WDPCP: variants seen among roughly 807,000 people sequenced by gnomAD.
The protein encoded by WDPCP is WD repeat containing planar cell polarity effector.
In WDPCP, 71 loss-of-function variants were observed where a neutral mutation model predicts 93.1. The ratio of observed to expected loss-of-function variants is 0.76; its 90% CI spans 0.63 to 0.93. WDPCP has a LOEUF of 0.93. WDPCP is among the 40% of genes least tolerant of loss of function. The pLI is 0.00. For synonymous variants in WDPCP, 315 were observed against 315.0 expected, an observed-to-expected ratio of 1.00 and a Z score of 0.00; for missense variants, 844 against 887.4, an observed-to-expected ratio of 0.95 and a Z score of 0.62.
intron 14 of WDPCP, among the ~76,000 whole-genome samples, chr2:63,215,961 C>T (rs932908233): frequency 2.0e-5 from 3 of 152,174 alleles, no homozygotes; most frequent in African/African-American, 4.8e-5. Flanking sequence ...AAAAAATGCT[C>T]GTCATCACTG....
chr2:63,499,489 G>A (rs1701415211), intron 1 of WDPCP, among the ~76,000 whole-genome samples: 1 of 152,186 alleles, frequency 6.6e-6, no homozygotes, highest in Admixed American at 6.5e-5. Flanking sequence ...ATTATTGTTG[G>A]AAGATTAACT....
In WDPCP at chr2:63,492,866, T is replaced by C. The variant is rs748848053; in HGVS notation, c.150A>G (p.Leu50=). 9 of 1,613,648 alleles carry C rather than the reference T, an allele frequency of 5.6e-6. No homozygotes were observed. Among genetic ancestry groups the C allele is most frequent in the Non-Finnish European group, 6.8e-6 (8 of 1,179,832 alleles). The change falls in exon 2 of 18, where the codon TTA becomes TTG. Residue 50 remains leucine (L), a synonymous_variant. Transcript: ENST00000272321. ...ELHLWSLKNT[L]HIADRDIGIY... ...CCAGAGCTCATTTACCCGCAATGTGTAAGGTATTCTTCAAAGACCACAGGT... is the reference window on the plus strand; with the variant it reads ...CCAGAGCTCATTTACCCGCAATGTGCAAGGTATTCTTCAAAGACCACAGGT...
intron 1 of WDPCP, among the ~76,000 whole-genome samples, chr2:63,552,360 A>G (rs1201908635): frequency 6.6e-6 from 1 of 152,082 alleles, no homozygotes; most frequent in Non-Finnish European, 1.5e-5. Flanking sequence ...TAAAGATTCC[A>G]GAAAGCAGTA....
intron 2 of WDPCP, among the ~76,000 whole-genome samples, chr2:63,714,654 C>A (rs902418671): frequency 2.0e-5 from 3 of 151,988 alleles, no homozygotes; most frequent in Non-Finnish European, 4.4e-5. Flanking sequence ...ACAGTAAAAC[C>A]CTGTCTCTAC....
At chr2:63,528,942 T>C (rs1392003439) in intron 1 of WDPCP, among the ~76,000 whole-genome samples, 4 of 152,210 alleles carry the variant, frequency 2.6e-5, no homozygotes, top group Non-Finnish European at 4.4e-5. Flanking sequence ...CCCTAGTAAG[T>C]TGGATTCCTA....
In WDPCP at chr2:63,412,908, C is replaced by A. The variant is rs190610952; in HGVS notation, c.826-8251G>T. On this transcript the variant is annotated intron_variant, in intron 9 of 17. Coordinates refer to ENST00000272321, the MANE Select transcript of WDPCP (RefSeq NM_015910.7). ...AAATGGAAACACATCCCATGCTCAT[C>A]GATGGGTAGAATCAATGTTGTGAAA... Among the ~76,000 whole-genome samples, 824 of 149,034 alleles carry A rather than the reference C, an allele frequency of 5.5e-3. 6 individuals carry two copies. The highest frequency in any genetic ancestry group is 0.01 in the Middle Eastern group (3 of 294).
intron 1 of WDPCP, among the ~76,000 whole-genome samples, chr2:63,572,862 G>A (rs1276911214): frequency 6.6e-6 from 1 of 151,800 alleles, no homozygotes; most frequent in Admixed American, 6.6e-5. Context: ...GAAAAGTTAT[G>A]CCCAACTTAA....
At chr2:63,587,200 T>A (rs1708906486) in intron 1 of WDPCP, among the ~76,000 whole-genome samples, 1 of 152,204 alleles carries the variant, frequency 6.6e-6, no homozygotes, top group South Asian at 2.1e-4. Context: ...GTTTTTGACA[T>A]TAAAAGTAGC....
intron 13 of WDPCP, among the ~76,000 whole-genome samples, chr2:63,282,753 T>C (rs1293835563): frequency 1.3e-5 from 2 of 152,152 alleles, no homozygotes; most frequent in African/African-American, 4.8e-5. Context: ...CTTAGTAGTA[T>C]AGTGGTCCCT....
chr2:63,174,273 A>G (rs973605421), intron 15 of WDPCP, among the ~76,000 whole-genome samples: 24 of 152,118 alleles, frequency 1.6e-4, no homozygotes, highest in Admixed American at 1.2e-3. Context: ...AGATATTTAA[A>G]CTATCATTTA....
chr2:63,492,900 G>T lies in WDPCP; in HGVS notation c.116C>A (p.Thr39Asn). Reference protein sequence around the residue: ...SFCHQMSFCLTELHLWSLKNT... With the variant: ...SFCHQMSFCLNELHLWSLKNT... ...CTTCAAAGACCACAGGTGCAGTTCA[G>T]TCAAGCAGAAAGACATCTGATGGCA... is the stretch of plus-strand genomic sequence containing the variant. The change falls in exon 2 of 18, where the codon ACT becomes AAT. Residue 39 changes from threonine to asparagine, a missense_variant. Transcript: ENST00000272321. The T allele has an allele frequency of 6.2e-7, 1 of 1,613,612 alleles. No individual in the cohort carries two copies. Among genetic ancestry groups the T allele is most frequent in the African/African-American group, 1.3e-5 (1 of 74,984 alleles).
intron 3 of WDPCP, among the ~76,000 whole-genome samples, chr2:63,629,997 C>A (rs1380219930): frequency 6.6e-6 from 1 of 152,088 alleles, no homozygotes; most frequent in East Asian, 1.9e-4. Context: ...TGATTTAAAT[C>A]TGACAAGGAT....
intron 3 of WDPCP, among the ~76,000 whole-genome samples, chr2:63,619,693 G>T (rs1283087259): frequency 6.6e-6 from 1 of 152,182 alleles, no homozygotes; most frequent in African/African-American, 2.4e-5. Flanking sequence ...CCATGTAACT[G>T]GTTCACATAA....
chr2:63,492,756 A>T (rs1700972018), intron 2 of WDPCP, 100 bp downstream of exon 2: 1 of 1,060,062 alleles, frequency 9.4e-7, no homozygotes, highest in African/African-American at 1.6e-5. Flanking sequence ...GAAAGAATGC[A>T]ACTCCAGCTG....
At chr2:63,469,802 C>T (rs980159123) in intron 6 of WDPCP, among the ~76,000 whole-genome samples, 2 of 152,150 alleles carry the variant, frequency 1.3e-5, no homozygotes, top group African/African-American at 4.8e-5. Context: ...CCCCATGACA[C>T]ATATTTACCT....
intron 1 of WDPCP, among the ~76,000 whole-genome samples, chr2:63,821,951 C>A (rs1391057962): frequency 6.6e-6 from 1 of 152,026 alleles, no homozygotes. Context: ...AAATATGAAC[C>A]ACCTCTGTGT....
intron 14 of WDPCP, among the ~76,000 whole-genome samples, chr2:63,181,509 A>G (rs530341029): frequency 1.9e-4 from 29 of 151,976 alleles, no homozygotes; most frequent in Non-Finnish European, 3.8e-4. Context: ...CTGTAGGTAT[A>G]TGGCTTTATT....
At chr2:63,789,007 G>A (rs1008400803) in intron 2 of WDPCP, among the ~76,000 whole-genome samples, 2 of 152,092 alleles carry the variant, frequency 1.3e-5, no homozygotes, top group Non-Finnish European at 2.9e-5. Flanking sequence ...TCAGCCTCCT[G>A]AGTAGCTGGA....
chr2:63,411,135 T>C (rs185655770), intron 9 of WDPCP, among the ~76,000 whole-genome samples: 19 of 152,208 alleles, frequency 1.2e-4, no homozygotes, highest in African/African-American at 4.6e-4. Context: ...CACATGATAG[T>C]CCATAAAATG....
Sources: allele counts gnomAD v4.1 joint callset (sites outside exome capture counted in the v4.1 genomes callset), GRCh38; gene constraint gnomAD v4.1.1; transcripts MANE v1.5; gene names NCBI Gene and HGNC (gene_info 2026-07-23, HGNC 2026-07-21).